Variants in CSMD1 observed in about 807,000 individuals in gnomAD.
CSMD1 encodes the protein CUB and sushi domain-containing protein 1.
In CSMD1, 213 loss-of-function variants were observed where a neutral mutation model predicts 417.5. The observed-to-expected ratio is 0.51, with a 90% CI of 0.46 to 0.57. CSMD1 has a LOEUF of 0.57. CSMD1 is among the 20% of genes least tolerant of loss of function. The pLI is 0.00. For synonymous variants in CSMD1, 2,862 were observed against 1,736.8 expected (o/e 1.65, Z -16.11); for missense variants, 6,923 against 4,529.7 (o/e 1.53, Z -15.17).
At chr8:3,705,152 C>T (rs922511971) in intron 7 of CSMD1, among the ~76,000 whole-genome samples, 4 of 152,214 alleles carry the variant, frequency 2.6e-5, no homozygotes, top group Non-Finnish European at 5.9e-5. Flanking sequence ...CCACCAGGGA[C>T]AGGGCAGTGG....
At chr8:4,352,643 G>A (rs1049496239) in intron 3 of CSMD1, among the ~76,000 whole-genome samples, 10 of 152,216 alleles carry the variant, frequency 6.6e-5, no homozygotes, top group African/African-American at 2.4e-4. Context: ...GAGCTTAACA[G>A]CATACTATTT....
At chr8:3,339,947 T>G (rs1807536255) in intron 23 of CSMD1, among the ~76,000 whole-genome samples, 1 of 152,248 alleles carries the variant, frequency 6.6e-6, no homozygotes, top group African/African-American at 2.4e-5. Context: ...TTTAAAGTTT[T>G]ATTTTGGTCT....
At chr8:3,054,660 C>T (rs1812094438) in intron 49 of CSMD1, among the ~76,000 whole-genome samples, 1 of 152,048 alleles carries the variant, frequency 6.6e-6, no homozygotes, top group Non-Finnish European at 1.5e-5. Context: ...TGTGCACATG[C>T]ATATTTACAT....
At chr8:4,006,820 C>A (rs898220677) in intron 4 of CSMD1, among the ~76,000 whole-genome samples, 2 of 124,868 alleles carry the variant, frequency 1.6e-5, no homozygotes, top group African/African-American at 6.2e-5. Flanking sequence ...CAGGACTTTT[C>A]CTATTTTTTT....
At chr8:3,370,634 T>A (rs932009034) in intron 18 of CSMD1, among the ~76,000 whole-genome samples, 4 of 152,136 alleles carry the variant, frequency 2.6e-5, no homozygotes, top group Admixed American at 6.5e-5. Flanking sequence ...CTTTCACCAA[T>A]GTGAACTGGC....
At chr8:4,845,493 A>G (rs1162332071) in intron 1 of CSMD1, among the ~76,000 whole-genome samples, 6 of 152,212 alleles carry the variant, frequency 3.9e-5, no homozygotes, top group Non-Finnish European at 8.8e-5. Context: ...ACAATTCACC[A>G]ATTTTGAAGT....
intron 3 of CSMD1, among the ~76,000 whole-genome samples, chr8:4,139,588 G>T (rs1803655343): frequency 6.6e-6 from 1 of 151,220 alleles, no homozygotes; most frequent in Non-Finnish European, 1.5e-5. Flanking sequence ...ATGGAACTGA[G>T]TGGGCATCAA....
chr8:4,452,611 G>C (rs112658902), intron 2 of CSMD1, among the ~76,000 whole-genome samples: 10 of 152,194 alleles, frequency 6.6e-5, no homozygotes, highest in African/African-American at 2.4e-4. Context: ...AAAGATAATA[G>C]TTTTTATGTG....
intron 2 of CSMD1, among the ~76,000 whole-genome samples, chr8:4,547,248 C>G (rs1797679990): frequency 6.6e-6 from 1 of 152,210 alleles, no homozygotes; most frequent in Non-Finnish European, 1.5e-5. Context: ...CTTCCTGCGG[C>G]TGCTGAGTCT....
chr8:2,993,227 G>C (rs899742273), intron 54 of CSMD1, among the ~76,000 whole-genome samples: 1 of 152,178 alleles, frequency 6.6e-6, no homozygotes. Context: ...GCCACTTCTA[G>C]TTAGTGAAGT....
rs754528910 is a variant in CSMD1 at position 3,603,230 on chromosome 8, T to C, written c.1097+13480A>G. Among the ~76,000 whole-genome samples the C allele has an allele frequency of 4.6e-5, 7 of 152,352 alleles. No individual in the cohort carries two copies. The South Asian group carries it at 1.4e-3, about 32-fold the overall frequency. On this transcript the variant is annotated intron_variant, in intron 8 of 69. Coordinates refer to ENST00000635120, the MANE Select transcript of CSMD1 (RefSeq NM_033225.6). ...AGTAATCATCGGCAAATATTTTTCC[T>C]ACTCTGCTTCAGTTTCCTAGTAACC...
intron 2 of CSMD1, among the ~76,000 whole-genome samples, chr8:4,421,718 C>T (rs528711037): frequency 1.3e-5 from 2 of 151,788 alleles, no homozygotes; most frequent in East Asian, 3.9e-4. Flanking sequence ...GCACTAAAAA[C>T]ACAGCTTAGA....
intron 1 of CSMD1, among the ~76,000 whole-genome samples, chr8:4,868,765 G>A (rs146889898): frequency 1.9e-4 from 23 of 124,096 alleles, no homozygotes; most frequent in African/African-American, 6.3e-4. Flanking sequence ...AATATTGGCT[G>A]TGTAAGCTTG....
chr8:4,001,120 C>G (rs1815638088), intron 4 of CSMD1, among the ~76,000 whole-genome samples: 1 of 151,512 alleles, frequency 6.6e-6, no homozygotes, highest in Non-Finnish European at 1.5e-5. Flanking sequence ...AGCTGAATCA[C>G]TTTCTATTAT....
chr8:3,809,065 G>C (rs904683165), intron 5 of CSMD1, among the ~76,000 whole-genome samples: 1 of 152,108 alleles, frequency 6.6e-6, no homozygotes, highest in Non-Finnish European at 1.5e-5. Context: ...AGCCCCTGGG[G>C]AATCACGCAG....
At position 3,493,691 on chromosome 8, in the gene CSMD1, C is replaced by T. The variant is rs760147468; in HGVS notation, c.1380G>A (p.Glu460=). 7 of 1,612,100 alleles carry T rather than the reference C, an allele frequency of 4.3e-6. No homozygotes were observed. The East Asian group carries it at 1.1e-4, about 26-fold the overall frequency. The change falls in exon 11 of 70, where the codon GAG becomes GAA. Residue 460 remains glutamate, a synonymous_variant. Coordinates refer to ENST00000635120, the MANE Select transcript of CSMD1 (RefSeq NM_033225.6). The part of the protein sequence containing the change: ...IKLAFEEFEL[E]RGYDTLTVGD... Reference sequence around the variant, plus strand: ...CAACCGTCAGGGTGTCATAGCCTCGCTCCAGCTCAAACTCTTCAAAGGCAA... The same window carrying T: ...CAACCGTCAGGGTGTCATAGCCTCGTTCCAGCTCAAACTCTTCAAAGGCAA...
intron 3 of CSMD1, among the ~76,000 whole-genome samples, chr8:4,221,928 C>T (rs1288588098): frequency 1.3e-5 from 2 of 152,106 alleles, no homozygotes; most frequent in East Asian, 1.9e-4. Flanking sequence ...GAAGCTAAGG[C>T]AAGGAACCAG....
chr8:3,429,117 T>G (rs998545728), intron 12 of CSMD1, among the ~76,000 whole-genome samples: 1 of 152,162 alleles, frequency 6.6e-6, no homozygotes, highest in African/African-American at 2.4e-5. Flanking sequence ...TGTGTGCTAT[T>G]GTACAGAAGG....
rs556379420 is a variant in CSMD1 at position 4,518,420 on chromosome 8, G to C, written c.303-98355C>G. Among the ~76,000 whole-genome samples, 3 of 152,232 alleles carry C rather than the reference G, an allele frequency of 2.0e-5. No homozygotes were observed. The East Asian group carries it at 5.8e-4, about 29-fold the overall frequency. On this transcript the variant is annotated intron_variant, in intron 2 of 69. Transcript: ENST00000635120. ...TATATTGAACACTAATTTTTTGACT[G>C]TGTGAGGGAAACATATAAGACATAA...
Sources: gnomAD v4.1 joint callset for allele counts (sites outside exome capture counted in the v4.1 genomes callset) on GRCh38, gnomAD v4.1.1 for gene constraint, MANE v1.5 for transcripts, NCBI Gene and HGNC (gene_info 2026-07-23, HGNC 2026-07-21) for gene names.